Variants in ATP13A3 observed in about 807,000 individuals in gnomAD.
The protein encoded by ATP13A3 is ATPase 13A3.
In ATP13A3, 59 loss-of-function variants were observed where a neutral mutation model predicts 158.1. That is an observed-to-expected ratio of 0.37 (90% CI 0.30 to 0.46). ATP13A3 has a LOEUF of 0.46. Among genes scored for constraint, ATP13A3 ranks in the 20% least tolerant of loss-of-function variants. ATP13A3 has a pLI of 1.00. For missense variants in ATP13A3, 1,166 were observed against 1,525.2 expected (o/e 0.76, Z 3.92); for synonymous variants, 491 against 504.3 (o/e 0.97, Z 0.35).
chr3:194,432,226 A>G (rs1717278354), intron 21 of ATP13A3, among the ~76,000 whole-genome samples: 2 of 152,254 alleles, frequency 1.3e-5, no homozygotes, highest in Non-Finnish European at 2.9e-5. Context: ...GGCTCAATAA[A>G]TACTTACCGA....
rs1239874598 is a variant in ATP13A3 at position 194,447,215 on chromosome 3, A to G, written c.1309-100T>C. 7 of 1,021,284 alleles carry G rather than the reference A, an allele frequency of 6.9e-6. No individual in the cohort carries two copies. In the East Asian group the frequency reaches 7.8e-5, roughly 11 times the overall value. The allele number at this position is 1,021,284 out of a possible 1,614,324, so 63.3% of individuals were successfully genotyped here. On this transcript the variant is annotated intron_variant, in intron 13 of 33. Coordinates refer to ENST00000645319, the MANE Select transcript of ATP13A3 (RefSeq NM_001367549.1). The stretch of plus-strand genomic sequence containing the variant: ...AAATCTGTAAGCCATTTTCAATTGT[A>G]TATTTCAATTTTATGTATGTGTGTG...
chr3:194,464,219 A>T (rs936069598), intron 2 of ATP13A3, among the ~76,000 whole-genome samples: 3 of 152,320 alleles, frequency 2.0e-5, no homozygotes, highest in Admixed American at 2.0e-4. Context: ...TTTCACTCCT[A>T]ACTACGACAT....
chr3:194,449,396 T>C (rs1301953172), intron 11 of ATP13A3, among the ~76,000 whole-genome samples: 4 of 152,128 alleles, frequency 2.6e-5, no homozygotes, highest in South Asian at 2.1e-4. Flanking sequence ...AAATAAGATA[T>C]TGGACAGGCA....
rs201703070 is a variant in ATP13A3 at position 194,427,128 on chromosome 3, A to C, written c.3072T>G (p.Gly1024=). ...IIICIGFQSL[G]FFWVKQQPWY... Reference sequence around the variant, plus strand: ...AAGGTTGCTGTTTGACCCAAAAAAAACCCAAAGATTGAAATCCAATGCAGA... The same window carrying C: ...AAGGTTGCTGTTTGACCCAAAAAAACCCCAAAGATTGAAATCCAATGCAGA... The change falls in exon 29 of 34, where the codon GGT becomes GGG. Residue 1024 remains glycine, a synonymous_variant. Coordinates refer to ENST00000645319, the MANE Select transcript of ATP13A3 (RefSeq NM_001367549.1). 9.4e-5 allele frequency: 152 copies of C among 1,613,804 alleles called. No homozygotes were observed. The highest frequency in any genetic ancestry group is 6.6e-4 in the Middle Eastern group (4 of 6,062).
intron 31 of ATP13A3, 96 bp from the exon 32 acceptor site, chr3:194,413,935 G>A (rs1301327778): frequency 2.0e-6 from 2 of 1,010,550 alleles, no homozygotes; most frequent in East Asian, 2.4e-5. Context: ...TTCCTATGAT[G>A]TACCAAACAC....
intron 31 of ATP13A3, among the ~76,000 whole-genome samples, chr3:194,417,892 T>A (rs1375690663): frequency 6.7e-6 from 1 of 149,724 alleles, no homozygotes; most frequent in African/African-American, 2.5e-5. Context: ...GCCCAGGAGG[T>A]CGAGGCCACA....
intron 2 of ATP13A3, among the ~76,000 whole-genome samples, chr3:194,493,097 G>T (rs1382661297): frequency 6.7e-6 from 1 of 150,084 alleles, no homozygotes; most frequent in Non-Finnish European, 1.5e-5. Flanking sequence ...TTGTGCCACT[G>T]CACTCCAGCC....
intron 33 of ATP13A3, among the ~76,000 whole-genome samples, chr3:194,407,668 G>T (rs1358705694): frequency 1.3e-5 from 2 of 152,090 alleles, no homozygotes; most frequent in African/African-American, 4.8e-5. Flanking sequence ...CAAAAAAGGT[G>T]GACAAAAGTA....
At chr3:194,428,212 C>G (rs1363070841) in intron 28 of ATP13A3, among the ~76,000 whole-genome samples, 1 of 121,258 alleles carries the variant, frequency 8.2e-6, no homozygotes, top group East Asian at 2.2e-4. Context: ...CAGAGACAGA[C>G]TCTGTCTCAA....
intron 9 of ATP13A3, 78 bp downstream of exon 9, chr3:194,454,180 G>A (rs1719029004): frequency 6.0e-6 from 8 of 1,327,138 alleles, no homozygotes; most frequent in Non-Finnish European, 7.3e-6. Context: ...ACTTTGTGCT[G>A]AGTACTATTC....
At position 194,437,227 on chromosome 3, in the gene ATP13A3, A is replaced by C; in HGVS notation, c.2000-12T>G. 6.2e-7 allele frequency: 1 copy of C among 1,613,972 alleles called. No individual in the cohort carries two copies. ...AAAATCGACAGGAACTTTTTAAAAG[A>C]AAGAGTAAATTTCATTGTTAGAGTT... On this transcript the variant is annotated splice_polypyrimidine_tract_variant and intron_variant, in intron 19 of 33. Transcript: ENST00000645319.
At chr3:194,438,324 G>T (rs1260320119) in intron 17 of ATP13A3, among the ~76,000 whole-genome samples, 1 of 151,954 alleles carries the variant, frequency 6.6e-6, no homozygotes, top group Non-Finnish European at 1.5e-5. Context: ...AAAATTTCAG[G>T]TAACTTAAAA....
rs1714709743 is a variant in ATP13A3, at chr3:194,402,893, A to G, written c.*3026T>C. 1 of 152,236 alleles carries G rather than the reference A, an allele frequency of 6.6e-6. No individual in the cohort carries two copies. Among genetic ancestry groups the G allele is most frequent in the Non-Finnish European group, 1.5e-5 (1 of 68,042 alleles). The allele number at this position is 152,236 out of a possible 1,614,324, so 9.4% of individuals were successfully genotyped here. On this transcript the variant is annotated 3_prime_UTR_variant, in exon 34 of 34. Transcript: ENST00000645319. The stretch of plus-strand genomic sequence containing the variant: ...CAAGGTCTTAGGGAATTCACAAATC[A>G]TAACTAGAAGTAACTTTTATTAATT...
At chr3:194,473,925 A>T (rs750187657) in intron 2 of ATP13A3, among the ~76,000 whole-genome samples, 1 of 152,206 alleles carries the variant, frequency 6.6e-6, no homozygotes, top group African/African-American at 2.4e-5. Flanking sequence ...TTTTATAGCA[A>T]CCAAATAACT....
intron 2 of ATP13A3, among the ~76,000 whole-genome samples, chr3:194,467,270 T>C (rs868061909): frequency 7.4e-4 from 112 of 152,338 alleles, no homozygotes; most frequent in African/African-American, 2.5e-3. Flanking sequence ...TTCACCTTAG[T>C]TCAGCATAAT....
Position 194,417,396 on chromosome 3 carries a change from G to GACACACACACACACAC in ATP13A3, c.3402+2467_3402+2482dup, listed in dbSNP as rs56119734. Among the ~76,000 whole-genome samples, 187 of 118,134 alleles carry GACACACACACACACAC rather than the reference G, an allele frequency of 1.6e-3. 5 individuals are homozygous for GACACACACACACACAC. The highest frequency in any genetic ancestry group is 6.2e-3 in the East Asian group (24 of 3,892). The allele number at this position is 118,134 out of a possible 152,430, so 77.5% of individuals were successfully genotyped here. A position where few individuals can be genotyped will look rare whatever the true frequency, so the allele number is the denominator to read the frequency against. On this transcript the variant is annotated intron_variant, in intron 31 of 33. Coordinates refer to ENST00000645319, the MANE Select transcript of ATP13A3 (RefSeq NM_001367549.1). ...AGCCTGGGTACCAGAGCCAGATTCT[G>GACACACACACACACAC]ACACACACACACACACACACACACA...
intron 14 of ATP13A3, among the ~76,000 whole-genome samples, chr3:194,445,893 A>C (rs1718368112): frequency 1.3e-5 from 2 of 152,206 alleles, no homozygotes. Flanking sequence ...ACAGGTACAT[A>C]ATTTGTCATT....
At chr3:194,486,148 G>T (rs1490279177) in intron 1 of ATP13A3, among the ~76,000 whole-genome samples, 1 of 152,102 alleles carries the variant, frequency 6.6e-6, no homozygotes, top group African/African-American at 2.4e-5. Flanking sequence ...TTCCTCCACG[G>T]GACTCACTCC....
intron 10 of ATP13A3, chr3:194,450,894 A>G (rs1222290014): frequency 6.6e-6 from 1 of 152,236 alleles, no homozygotes; most frequent in Admixed American, 6.5e-5. Context: ...CACTTTTAAA[A>G]AAAGATCTTC....
Sources: allele counts gnomAD v4.1 joint callset (sites outside exome capture counted in the v4.1 genomes callset), GRCh38; gene constraint gnomAD v4.1.1; transcripts MANE v1.5; gene names NCBI Gene and HGNC (gene_info 2026-07-23, HGNC 2026-07-21).